Variants in ZCCHC4 observed in about 807,000 individuals in gnomAD.
The protein encoded by ZCCHC4 is rRNA N(6)-adenosine-methyltransferase ZCCHC4.
A neutral mutation model predicts 67.7 loss-of-function variants in ZCCHC4; 54 were observed. The ratio of observed to expected loss-of-function variants is 0.80; its 90% confidence interval spans 0.64 to 1.00. ZCCHC4 has a LOEUF of 1.00. ZCCHC4 is among the 50% of genes least tolerant of loss of function. ZCCHC4 has a pLI of 0.00. For missense variants in ZCCHC4, 609 were observed against 617.0 expected (o/e 0.99, Z 0.14); for synonymous variants, 198 against 213.5 (o/e 0.93, Z 0.63).
chr4:25,354,880 C>A (rs1044115892), intron 8 of ZCCHC4, among the ~76,000 whole-genome samples: 1 of 133,390 alleles, frequency 7.5e-6, no homozygotes, highest in African/African-American at 2.7e-5. Context: ...CTTCACAGAT[C>A]TTTTCCCATA....
intron 8 of ZCCHC4, among the ~76,000 whole-genome samples, chr4:25,353,493 C>T (rs146342972): frequency 2.0e-4 from 31 of 152,284 alleles, no homozygotes; most frequent in African/African-American, 6.5e-4. Flanking sequence ...ATTTGCAATA[C>T]GGAGATAGCT....
At chr4:25,365,274 C>A in intron 12 of ZCCHC4, 108 bp downstream of exon 12, 1 of 1,520,604 alleles carries the variant, frequency 6.6e-7, no homozygotes, top group African/African-American at 1.4e-5. Context: ...AGTTAATTGT[C>A]ACTTTCACTA....
chr4:25,329,441 C>G (rs1468854615), intron 3 of ZCCHC4, among the ~76,000 whole-genome samples: 2 of 151,316 alleles, frequency 1.3e-5, no homozygotes, highest in African/African-American at 4.8e-5. Flanking sequence ...CGCTTTAGCC[C>G]CTGAACTACT....
At chr4:25,344,578 A>G (rs1302788480) in intron 5 of ZCCHC4, among the ~76,000 whole-genome samples, 1 of 151,718 alleles carries the variant, frequency 6.6e-6, no homozygotes, top group African/African-American at 2.4e-5. Context: ...TAACCTGCAC[A>G]TTGTGCACAT....
intron 8 of ZCCHC4, among the ~76,000 whole-genome samples, chr4:25,360,093 G>A (rs1720666032): frequency 6.6e-6 from 1 of 152,234 alleles, no homozygotes; most frequent in Non-Finnish European, 1.5e-5. Flanking sequence ...AGAGAGCCAG[G>A]AACAGTTTGC....
At chr4:25,312,976 G>A in intron 1 of ZCCHC4, 40 bp downstream of exon 1, 2 of 1,605,412 alleles carry the variant, frequency 1.2e-6, no homozygotes, top group Non-Finnish European at 1.7e-6. Context: ...GCCGGGCGCT[G>A]AGGGTGTGAG....
chr4:25,329,838 G>A (rs113340569), intron 3 of ZCCHC4, among the ~76,000 whole-genome samples: 7,477 of 151,886 alleles, frequency 0.049, 614 homozygotes, highest in African/African-American at 0.17. Flanking sequence ...CTGGCCGGAT[G>A]TTTTTATATT....
intron 6 of ZCCHC4, among the ~76,000 whole-genome samples, 198 bp from the exon 7 acceptor site, chr4:25,349,294 T>C (rs1027661629): frequency 1.3e-5 from 2 of 152,194 alleles, no homozygotes; most frequent in Non-Finnish European, 2.9e-5. Flanking sequence ...AAAACCTGCT[T>C]ATCAAAGAAC....
chr4:25,338,332 A>G (rs1028713595), intron 5 of ZCCHC4, among the ~76,000 whole-genome samples: 12 of 152,202 alleles, frequency 7.9e-5, no homozygotes, highest in African/African-American at 2.9e-4. Flanking sequence ...GGGCTAATGC[A>G]GTGTGCCTGC....
At chr4:25,326,252 C>A (rs1297775844) in intron 3 of ZCCHC4, among the ~76,000 whole-genome samples, 1 of 152,260 alleles carries the variant, frequency 6.6e-6, no homozygotes, top group East Asian at 1.9e-4. Context: ...ACTCCAGTCT[C>A]TGCTTCTGTC....
At chr4:25,350,831 A>T (rs1227616726) in intron 7 of ZCCHC4, among the ~76,000 whole-genome samples, 1 of 152,192 alleles carries the variant, frequency 6.6e-6, no homozygotes. Flanking sequence ...GTGGGCTTGA[A>T]TTCCTGTTCT....
chr4:25,330,741 C>T (rs1719137157), intron 3 of ZCCHC4, among the ~76,000 whole-genome samples: 1 of 152,156 alleles, frequency 6.6e-6, no homozygotes, highest in Admixed American at 6.5e-5. Flanking sequence ...CTTCTGAGTA[C>T]TTGAGTACTT....
In ZCCHC4 at chr4:25,333,978, A is replaced by T. The variant is rs768574548; in HGVS notation, c.676A>T (p.Ile226Phe). 1.9e-6 allele frequency: 3 copies of T among 1,597,544 alleles called. No individual in the cohort carries two copies. In the South Asian group the frequency reaches 3.4e-5, roughly 18 times the overall value. ...TAACATTAAAAGCCTTTTATTGGAT[A>T]TTGATTTTCGGTAGGTTTACAAAAT... ...KSNIKSLLLDIDFRYSQFYME... is the reference protein window; with the variant it reads ...KSNIKSLLLDFDFRYSQFYME... The change falls in exon 5 of 13, where the codon ATT (isoleucine) becomes TTT (phenylalanine). Residue 226 changes from isoleucine (I) to phenylalanine (F), a missense_variant. Physicochemically the swap from Ile to Phe is conservative, Grantham distance 21 (BLOSUM62 0). Transcript: ENST00000302874.
chr4:25,313,027 C>T, intron 1 of ZCCHC4, 91 bp downstream of exon 1: 3 of 1,529,256 alleles, frequency 2.0e-6, no homozygotes, highest in South Asian at 1.2e-5. Context: ...TATTTTTACC[C>T]GCCTCTTTCC....
chr4:25,333,848 T>G, intron 4 of ZCCHC4, 60 bp from the exon 5 acceptor site: 1 of 1,155,056 alleles, frequency 8.7e-7, no homozygotes, highest in Non-Finnish European at 1.2e-6. Context: ...GTTGTTTGTT[T>G]GTTTATTGTC....
At chr4:25,329,217 TATG>T in intron 3 of ZCCHC4, among the ~76,000 whole-genome samples, 1 of 152,238 alleles carries the variant, frequency 6.6e-6, no homozygotes, top group East Asian at 1.9e-4. Context: ...ATAATTTTAT[TATG>T]ATGTGTCTTG....
At chr4:25,349,407 G>T in intron 6 of ZCCHC4, 85 bp from the exon 7 acceptor site, 1 of 1,339,380 alleles carries the variant, frequency 7.5e-7, no homozygotes, top group South Asian at 1.4e-5. Flanking sequence ...TTAAGAGAGA[G>T]ACTGAGTCTA....
rs745668099 is a variant in ZCCHC4, at chr4:25,364,519, C to T, written c.1261+14C>T. 6 of 1,552,172 alleles carry T rather than the reference C, an allele frequency of 3.9e-6. No individual in the cohort carries two copies. In the East Asian group the frequency reaches 1.4e-4, roughly 37 times the overall value. Reference sequence around the variant, plus strand: ...GTGTAAAGCCTTGTAAGTATTGAGACTTAGTGTTTGAGATCCTATGAACAT... The same window carrying T: ...GTGTAAAGCCTTGTAAGTATTGAGATTTAGTGTTTGAGATCCTATGAACAT... On this transcript the variant is annotated intron_variant, in intron 11 of 12. Transcript: ENST00000302874.
intron 8 of ZCCHC4, among the ~76,000 whole-genome samples, chr4:25,353,883 A>G (rs184114331): frequency 1.3e-5 from 2 of 152,340 alleles, no homozygotes; most frequent in African/African-American, 4.8e-5. Flanking sequence ...TGTCATTGTC[A>G]TCATTCAGAT....
Sources: allele counts gnomAD v4.1 joint callset (sites outside exome capture counted in the v4.1 genomes callset), GRCh38; gene constraint gnomAD v4.1.1; transcripts MANE v1.5; gene names NCBI Gene and HGNC (gene_info 2026-07-23, HGNC 2026-07-21).